Variants in ARPP21 observed in about 807,000 individuals in gnomAD.
The protein encoded by ARPP21 is cAMP-regulated phosphoprotein 21.
In ARPP21, 69 loss-of-function variants were observed where a neutral mutation model predicts 113.2. The observed-to-expected ratio is 0.61, with a 90% CI of 0.50 to 0.74. ARPP21 has a LOEUF of 0.74. ARPP21 is among the 30% of genes least tolerant of loss of function. ARPP21 has a pLI of 0.00. For synonymous variants in ARPP21, 368 were observed against 375.5 expected (o/e 0.98, Z 0.23); for missense variants, 1,070 against 1,037.4 (o/e 1.03, Z -0.43).
At chr3:35,646,556 C>T (rs1700311152) in intron 1 of ARPP21, among the ~76,000 whole-genome samples, 1 of 151,992 alleles carries the variant, frequency 6.6e-6, no homozygotes, top group Non-Finnish European at 1.5e-5. Flanking sequence ...TGTAAAGAAG[C>T]TTTTGGTTAA....
chr3:35,652,410 G>C (rs1702775039), intron 1 of ARPP21, among the ~76,000 whole-genome samples: 1 of 152,116 alleles, frequency 6.6e-6, no homozygotes, highest in African/African-American at 2.4e-5. Flanking sequence ...AGCAAGAGAA[G>C]AGAGCTCTAA....
intron 19 of ARPP21, among the ~76,000 whole-genome samples, chr3:35,762,494 A>G (rs1437482178): frequency 6.6e-6 from 1 of 152,044 alleles, no homozygotes; most frequent in Non-Finnish European, 1.5e-5. Context: ...TCAGGTCCTC[A>G]TATATTTTCT....
intron 19 of ARPP21, among the ~76,000 whole-genome samples, chr3:35,770,355 A>G (rs1208916532): frequency 6.6e-6 from 1 of 152,220 alleles, no homozygotes; most frequent in Non-Finnish European, 1.5e-5. Context: ...TGGCAAGATT[A>G]GTAAAATGGT....
chr3:35,674,869 C>T lies in ARPP21; in HGVS notation c.-212-4918C>T, dbSNP rs555172283. ...GCTCGTTCACAAGGAGAAAAGATAG[C>T]GGTCCTGTGAAAAACAATGTGTGGG... On this transcript the variant is annotated intron_variant, in intron 1 of 20. Transcript: ENST00000684406. 1.2e-4 allele frequency among the ~76,000 whole-genome samples: 18 copies of T among 151,946 alleles called. No homozygotes were observed. In the East Asian group the frequency reaches 2.5e-3, roughly 21 times the overall value.
At chr3:35,643,297 A>G (rs1183424884) in intron 1 of ARPP21, among the ~76,000 whole-genome samples, 7 of 152,106 alleles carry the variant, frequency 4.6e-5, no homozygotes, top group Admixed American at 3.9e-4. Flanking sequence ...TGTTAGAACA[A>G]TGTGCAAAGT....
chr3:35,762,298 G>C (rs1428765880), intron 19 of ARPP21, among the ~76,000 whole-genome samples: 2 of 151,970 alleles, frequency 1.3e-5, no homozygotes, highest in African/African-American at 4.8e-5. Flanking sequence ...AAACAAGATG[G>C]ACTATATCTT....
chr3:35,678,252 G>A (rs997311094), intron 1 of ARPP21, among the ~76,000 whole-genome samples: 15 of 151,908 alleles, frequency 9.9e-5, no homozygotes, highest in Admixed American at 5.9e-4. Context: ...AAATATGAGG[G>A]TCTTAAAGAG....
At chr3:35,649,572 A>T (rs1701587683) in intron 1 of ARPP21, among the ~76,000 whole-genome samples, 1 of 152,168 alleles carries the variant, frequency 6.6e-6, no homozygotes, top group Non-Finnish European at 1.5e-5. Flanking sequence ...CTTTGGAGAG[A>T]TTAACCATGG....
At chr3:35,741,106 A>C (rs1250526224) in intron 18 of ARPP21, among the ~76,000 whole-genome samples, 1 of 152,208 alleles carries the variant, frequency 6.6e-6, no homozygotes, top group Non-Finnish European at 1.5e-5. Flanking sequence ...TATCTCAGAA[A>C]ATGAAATAAA....
chr3:35,688,264 A>G (rs2081194332), intron 6 of ARPP21, among the ~76,000 whole-genome samples: 1 of 151,574 alleles, frequency 6.6e-6, no homozygotes, highest in Non-Finnish European at 1.5e-5. Flanking sequence ...GTTTATCTTA[A>G]AAGACAGAGA....
chr3:35,724,576 C>T (rs2093383768), intron 14 of ARPP21, among the ~76,000 whole-genome samples: 1 of 152,186 alleles, frequency 6.6e-6, no homozygotes, highest in Non-Finnish European at 1.5e-5. Context: ...CCAGTTGATG[C>T]CAATGCTCCT....
At chr3:35,677,191 C>T (rs563735851) in intron 1 of ARPP21, among the ~76,000 whole-genome samples, 51 of 151,938 alleles carry the variant, frequency 3.4e-4, no homozygotes, top group African/African-American at 9.2e-4. Flanking sequence ...TCCCTTTCAT[C>T]GGTGAACTAA....
intron 19 of ARPP21, among the ~76,000 whole-genome samples, chr3:35,773,405 C>T (rs2096265401): frequency 6.6e-6 from 1 of 152,140 alleles, no homozygotes; most frequent in Non-Finnish European, 1.5e-5. Context: ...AGGAGTCTGT[C>T]TTAAAGACCA....
At chr3:35,784,021 A>G (rs1225337577) in intron 19 of ARPP21, among the ~76,000 whole-genome samples, 3 of 152,170 alleles carry the variant, frequency 2.0e-5, no homozygotes, top group Admixed American at 2.0e-4. Context: ...TACACACAAT[A>G]GAAGTAAGTA....
At chr3:35,663,101 A>G (rs901569082) in intron 1 of ARPP21, among the ~76,000 whole-genome samples, 1 of 152,170 alleles carries the variant, frequency 6.6e-6, no homozygotes, top group East Asian at 1.9e-4. Context: ...TATTGTATGC[A>G]TGTTGTAGCA....
intron 14 of ARPP21, among the ~76,000 whole-genome samples, chr3:35,728,779 A>C (rs1452917360): frequency 3.9e-5 from 6 of 152,150 alleles, no homozygotes; most frequent in Non-Finnish European, 8.8e-5. Flanking sequence ...TGAAGGTAAA[A>C]GATTATTTAT....
intron 11 of ARPP21, among the ~76,000 whole-genome samples, chr3:35,710,329 C>T (rs1387031607): frequency 6.6e-6 from 1 of 151,950 alleles, no homozygotes; most frequent in African/African-American, 2.4e-5. Flanking sequence ...CAAAATACAG[C>T]CTGACATATG....
chr3:35,778,555 C>T (rs2096444570), intron 19 of ARPP21, among the ~76,000 whole-genome samples: 1 of 152,106 alleles, frequency 6.6e-6, no homozygotes, highest in Non-Finnish European at 1.5e-5. Context: ...AAAACAGTTC[C>T]CTACTGTTAT....
rs1319581844 is a variant in ARPP21 at position 35,743,696 on chromosome 3, G to A, written c.2011-143G>A. The A allele has an allele frequency of 9.1e-6, 7 of 768,016 alleles. No individual in the cohort carries two copies. In the Admixed American group the frequency reaches 9.2e-5, roughly 10 times the overall value. The allele number at this position is 768,016 out of a possible 1,614,324, so 47.6% of individuals were successfully genotyped here. A position where few individuals can be genotyped will look rare whatever the true frequency, so the allele number is the denominator to read the frequency against. ...TGCCTCTTTACGGGAGAAGTAGCAT[G>A]CACATACACATAGGCATGGGAGAAG... On this transcript the variant is annotated intron_variant, in intron 18 of 20. Coordinates refer to ENST00000684406, the MANE Select transcript of ARPP21 (RefSeq NM_001385562.1).
Sources: gnomAD v4.1 joint callset for allele counts (sites outside exome capture counted in the v4.1 genomes callset) on GRCh38, gnomAD v4.1.1 for gene constraint, MANE v1.5 for transcripts, NCBI Gene and HGNC (gene_info 2026-07-23, HGNC 2026-07-21) for gene names.